TNPO3: variants seen among roughly 807,000 people sequenced by gnomAD.
TNPO3 encodes the protein transportin-3.
TNPO3 carries 65 observed loss-of-function variants against 122.8 expected under a neutral mutation model. The ratio of observed to expected loss-of-function variants is 0.53; its 90% CI spans 0.43 to 0.65. TNPO3 has a LOEUF of 0.65. Ranked by LOEUF, TNPO3 falls within the 30% of genes least tolerant of loss-of-function variation. The pLI is 0.00. For missense variants in TNPO3, 850 were observed against 1,136.7 expected (o/e 0.75, Z 3.63); for synonymous variants, 372 against 411.2 (o/e 0.90, Z 1.15).
At chr7:129,035,002 C>T (rs1249135090) in intron 1 of TNPO3, among the ~76,000 whole-genome samples, 2 of 151,560 alleles carry the variant, frequency 1.3e-5, no homozygotes, top group African/African-American at 2.4e-5. Flanking sequence ...CGGCCGGGCG[C>T]GGTGGCTCAC....
chr7:129,048,024 C>A (rs1808258530), intron 1 of TNPO3, among the ~76,000 whole-genome samples: 1 of 152,000 alleles, frequency 6.6e-6, no homozygotes, highest in Non-Finnish European at 1.5e-5. Context: ...GGCTTGAGAC[C>A]AGCCTGGGCA....
Position 129,018,163 on chromosome 7 carries a change from A to C in TNPO3, c.121-6T>G. On this transcript the variant is annotated splice_polypyrimidine_tract_variant and splice_region_variant and intron_variant, in intron 1 of 22. Coordinates refer to ENST00000265388, the MANE Select transcript of TNPO3 (RefSeq NM_012470.4). ...GAGATCTCCCATGCATGAACCTGAA[A>C]GCGTATTAGACAAAGATGTCTTAAA... The C allele has an allele frequency of 6.2e-7, 1 of 1,613,992 alleles. No homozygotes were observed. The highest frequency in any genetic ancestry group is 8.5e-7 in the Non-Finnish European group (1 of 1,179,938).
intron 17 of TNPO3, 105 bp downstream of exon 17, chr7:128,975,714 G>GA: frequency 2.7e-6 from 2 of 739,804 alleles, no homozygotes. Context: ...ATGCCTGGGG[G>GA]AAAACATAAA....
chr7:128,965,730 C>T (rs1797868852), intron 21 of TNPO3, among the ~76,000 whole-genome samples: 1 of 152,178 alleles, frequency 6.6e-6, no homozygotes, highest in South Asian at 2.1e-4. Context: ...TATATGCATA[C>T]AATGGACTAT....
Position 129,044,136 on chromosome 7 carries a change from T to C in TNPO3, c.120+10515A>G, listed in dbSNP as rs762370040. Among the ~76,000 whole-genome samples the C allele has an allele frequency of 4.5e-4, 68 of 152,238 alleles. 3 individuals carry two copies. The highest frequency in any genetic ancestry group is 2.4e-4 in the Non-Finnish European group (16 of 68,040). ...CTGAATGCTTATTTATATAAAAGCATGTATATTTTCTTGAACCCCGACCTC... is the reference window on the plus strand; with the variant it reads ...CTGAATGCTTATTTATATAAAAGCACGTATATTTTCTTGAACCCCGACCTC... On this transcript the variant is annotated intron_variant, in intron 1 of 22. Coordinates refer to ENST00000265388, the MANE Select transcript of TNPO3 (RefSeq NM_012470.4).
At chr7:129,017,362 C>T (rs1004931232) in intron 2 of TNPO3, among the ~76,000 whole-genome samples, 1 of 152,110 alleles carries the variant, frequency 6.6e-6, no homozygotes, top group African/African-American at 2.4e-5. Context: ...TTGGCAATAC[C>T]ACAGAACTTC....
intron 5 of TNPO3, among the ~76,000 whole-genome samples, chr7:129,003,039 CAAA>C (rs56226072): frequency 5.6e-5 from 3 of 53,270 alleles, no homozygotes; most frequent in South Asian, 6.9e-4. Flanking sequence ...GACTCCCTCT[CAAA>C]AAAAAAAAAA....
At chr7:128,976,001 T>C in intron 16 of TNPO3, 66 bp from the exon 17 acceptor site, 1 of 1,113,422 alleles carries the variant, frequency 9.0e-7, no homozygotes, top group Non-Finnish European at 1.4e-6. Flanking sequence ...TACGAAGCTG[T>C]CTCCAGGAAG....
intron 12 of TNPO3, among the ~76,000 whole-genome samples, chr7:128,985,562 T>A (rs968508247): frequency 4.6e-5 from 7 of 152,258 alleles, no homozygotes; most frequent in African/African-American, 1.7e-4. Context: ...TGCCACTGCA[T>A]CCCAGCTTGG....
chr7:129,025,192 T>C (rs1337504727), intron 1 of TNPO3, among the ~76,000 whole-genome samples: 1 of 149,310 alleles, frequency 6.7e-6, no homozygotes, highest in East Asian at 2.0e-4. Context: ...CTACTAAAAA[T>C]ACAAAAAATT....
upstream of TNPO3, chr7:129,055,914 C>T: frequency 1.6e-6 from 1 of 632,304 alleles, no homozygotes; most frequent in Non-Finnish European, 2.9e-6. Flanking sequence ...GTGTAAAACA[C>T]TGTAGTTACA....
intron 2 of TNPO3, 150 bp downstream of exon 2, chr7:129,017,806 CA>C: frequency 1.4e-6 from 1 of 731,970 alleles, no homozygotes; most frequent in Non-Finnish European, 2.2e-6. Flanking sequence ...AAAAGATTAA[CA>C]ATTTCGTTTT....
chr7:129,045,203 G>C (rs1287119994), intron 1 of TNPO3, among the ~76,000 whole-genome samples: 1 of 152,110 alleles, frequency 6.6e-6, no homozygotes, highest in African/African-American at 2.4e-5. Flanking sequence ...TTGGGGCGGG[G>C]AGCAAATGGG....
At position 128,956,259 on chromosome 7, in the gene TNPO3, GAAACTACC is replaced by G. The variant is rs1796886888; in HGVS notation, c.*32-882_*32-875del. Among the ~76,000 whole-genome samples, 4 of 152,300 alleles carry G rather than the reference GAAACTACC, an allele frequency of 2.6e-5. No individual in the cohort carries two copies. In the South Asian group the frequency reaches 8.3e-4, roughly 32 times the overall value. ...TTTACCTATGAATGCATTTAACACA[GAAACTACC>G]AGTGAGTGCTACAGATTCATCAAGA... is the stretch of plus-strand genomic sequence containing the variant. On this transcript the variant is annotated intron_variant, in intron 22 of 22. Transcript: ENST00000265388.
intron 2 of TNPO3, 122 bp downstream of exon 2, chr7:129,017,835 C>A: frequency 1.0e-6 from 1 of 953,392 alleles, no homozygotes. Flanking sequence ...CTTACAAGAA[C>A]ATAGCAGTAC....
chr7:129,042,281 C>T (rs1157193445), intron 1 of TNPO3, among the ~76,000 whole-genome samples: 1 of 152,046 alleles, frequency 6.6e-6, no homozygotes, highest in Non-Finnish European at 1.5e-5. Context: ...GATGAGTGAA[C>T]GATATTATTT....
In TNPO3 at chr7:129,038,255, C is replaced by T. The variant is rs548931760; in HGVS notation, c.120+16396G>A. On this transcript the variant is annotated intron_variant, in intron 1 of 22. Transcript: ENST00000265388. The stretch of plus-strand genomic sequence containing the variant: ...GAAAAAAAGGAAAGAATTCTAAAGC[C>T]AATGAAACCATATTTCTAAAATGAA... 9.2e-5 allele frequency among the ~76,000 whole-genome samples: 14 copies of T among 152,096 alleles called. No individual in the cohort carries two copies. In the South Asian group the frequency reaches 2.9e-3, roughly 32 times the overall value.
At chr7:129,049,558 C>G (rs981563298) in intron 1 of TNPO3, among the ~76,000 whole-genome samples, 1 of 152,218 alleles carries the variant, frequency 6.6e-6, no homozygotes, top group Non-Finnish European at 1.5e-5. Context: ...AATTCAAGAA[C>G]TAATGCAGGG....
intron 1 of TNPO3, among the ~76,000 whole-genome samples, chr7:129,037,285 T>C (rs1233635896): frequency 2.0e-5 from 3 of 152,170 alleles, no homozygotes; most frequent in African/African-American, 7.2e-5. Flanking sequence ...CAAAATAACC[T>C]TGCTTAAATG....
Sources: gnomAD v4.1 joint callset for allele counts (sites outside exome capture counted in the v4.1 genomes callset) on GRCh38, gnomAD v4.1.1 for gene constraint, MANE v1.5 for transcripts, NCBI Gene and HGNC (gene_info 2026-07-23, HGNC 2026-07-21) for gene names.